Variants in BRAF observed in about 807,000 individuals in gnomAD.
BRAF encodes the protein serine/threonine-protein kinase B-raf.
Under a neutral mutation model 104.6 loss-of-function variants are expected in BRAF, and 16 were observed. The observed-to-expected ratio is 0.15, with a 90% CI of 0.10 to 0.23. The LOEUF (loss-of-function observed/expected upper bound fraction) is 0.23. Among genes scored for constraint, BRAF ranks in the 10% least tolerant of loss-of-function variants. The pLI is 1.00. For synonymous variants in BRAF, 310 were observed against 341.6 expected (o/e 0.91, Z 1.02); for missense variants, 541 against 937.3 (o/e 0.58, Z 5.52).
At chr7:140,787,076 C>T (rs567959224) in intron 9 of BRAF, among the ~76,000 whole-genome samples, 9 of 151,884 alleles carry the variant, frequency 5.9e-5, no homozygotes, top group South Asian at 2.1e-4. Flanking sequence ...CCGAGGCGGG[C>T]GGATCACGAG....
chr7:140,858,270 G>T (rs1464174793), intron 1 of BRAF, among the ~76,000 whole-genome samples: 1 of 152,156 alleles, frequency 6.6e-6, no homozygotes, highest in Non-Finnish European at 1.5e-5. Flanking sequence ...CATCACCCAT[G>T]AAGTATACAT....
Position 140,719,618 on chromosome 7 carries a change from T to C in BRAF, c.*6876A>G, listed in dbSNP as rs1171048049. Reference sequence around the variant, plus strand: ...ATCAGGAAGTGGGTATGGGGGAGAATTAAAAAAAATAATAAAAGATTCAAG... The same window carrying C: ...ATCAGGAAGTGGGTATGGGGGAGAACTAAAAAAAATAATAAAAGATTCAAG... On this transcript the variant is annotated 3_prime_UTR_variant, in exon 20 of 20. Coordinates refer to ENST00000644969, the MANE Select transcript of BRAF (RefSeq NM_001374258.1). 2 of 1,061,892 alleles carry C rather than the reference T, an allele frequency of 1.9e-6. No homozygotes were observed. The highest frequency in any genetic ancestry group is 2.3e-6 in the Non-Finnish European group (2 of 877,132). The allele number at this position is 1,061,892 out of a possible 1,614,324, so 65.8% of individuals were successfully genotyped here.
intron 1 of BRAF, among the ~76,000 whole-genome samples, chr7:140,878,390 C>T (rs928899135): frequency 7.9e-5 from 12 of 151,812 alleles, no homozygotes; most frequent in East Asian, 5.8e-4. Flanking sequence ...ACCAAAAGTA[C>T]GAGCAACAAA....
intron 16 of BRAF, among the ~76,000 whole-genome samples, chr7:140,749,795 T>A (rs955637499): frequency 1.3e-5 from 2 of 152,218 alleles, no homozygotes; most frequent in Non-Finnish European, 2.9e-5. Context: ...GGTTATAAGA[T>A]GCTTAGGAGC....
At position 140,721,229 on chromosome 7, in the gene BRAF, G is replaced by C. The variant is rs569144905; in HGVS notation, c.*5265C>G. ...TAGTAATTAATAAAACTTAACAGTT[G>C]AAGTTGTGGATGTTAAATAAAAGTA... is the stretch of plus-strand genomic sequence containing the variant. On this transcript the variant is annotated 3_prime_UTR_variant, in exon 20 of 20. Transcript: ENST00000644969. The C allele has an allele frequency of 7.3e-6, 8 of 1,091,604 alleles. No homozygotes were observed. In the South Asian group the frequency reaches 3.6e-4, roughly 49 times the overall value. The allele number at this position is 1,091,604 out of a possible 1,614,324, so 67.6% of individuals were successfully genotyped here. A position where few individuals can be genotyped will look rare whatever the true frequency, so the allele number is the denominator to read the frequency against.
At chr7:140,849,072 T>A (rs1336884930) in intron 2 of BRAF, among the ~76,000 whole-genome samples, 3 of 152,188 alleles carry the variant, frequency 2.0e-5, no homozygotes, top group Non-Finnish European at 4.4e-5. Flanking sequence ...TAATTTAGAG[T>A]TCTCCATCTC....
At chr7:140,713,956 C>A in the BRAF span, among the ~76,000 whole-genome samples, 2 of 152,134 alleles carry the variant, frequency 1.3e-5, no homozygotes, top group African/African-American at 4.8e-5. Context: ...GCTGCCTGAT[C>A]GTTCTTCTGA....
Position 140,785,290 on chromosome 7 carries a change from A to C in BRAF, c.1297+399T>G, listed in dbSNP as rs79450705. On this transcript the variant is annotated intron_variant, in intron 10 of 19. Coordinates refer to ENST00000644969, the MANE Select transcript of BRAF (RefSeq NM_001374258.1). ...CACTTTAATTTTCTTAAAAACCACA[A>C]AATTAACAAATATTAAGTCATCAAG... 2.6e-4 allele frequency among the ~76,000 whole-genome samples: 39 copies of C among 152,300 alleles called. 1 individual carries two copies. The East Asian group carries it at 6.9e-3, about 27-fold the overall frequency.
chr7:140,910,214 G>C (rs554293960), intron 1 of BRAF, among the ~76,000 whole-genome samples: 27 of 152,118 alleles, frequency 1.8e-4, no homozygotes, highest in African/African-American at 6.5e-4. Flanking sequence ...ACTATAATCA[G>C]CTCATTGTTT....
intron 2 of BRAF, among the ~76,000 whole-genome samples, chr7:140,837,824 A>T (rs1340517280): frequency 6.6e-6 from 1 of 152,066 alleles, no homozygotes; most frequent in Non-Finnish European, 1.5e-5. Context: ...CTTCAAATCC[A>T]CTCTGAAGAT....
chr7:140,771,334 C>T (rs1287011741), intron 14 of BRAF, among the ~76,000 whole-genome samples: 1 of 152,068 alleles, frequency 6.6e-6, no homozygotes. Context: ...TAGGTGAGAA[C>T]ACAGGTGCAC....
intron 3 of BRAF, among the ~76,000 whole-genome samples, chr7:140,813,741 CA>C (rs1804526862): frequency 1.3e-5 from 2 of 151,964 alleles, no homozygotes; most frequent in Non-Finnish European, 2.9e-5. Context: ...ACGTTAAAAA[CA>C]AAATACAGAA....
At chr7:140,740,063 C>T (rs1796782145) in intron 17 of BRAF, 117 bp from the exon 17 acceptor site, 3 of 1,126,506 alleles carry the variant, frequency 2.7e-6, no homozygotes, top group East Asian at 2.5e-5. Context: ...GTATGTATTA[C>T]ACCTCAATAA....
At position 140,721,787 on chromosome 7, in the gene BRAF, T is replaced by C; in HGVS notation, c.*4707A>G. 1 of 1,432,674 alleles carries C rather than the reference T, an allele frequency of 7.0e-7. No homozygotes were observed. The highest frequency in any genetic ancestry group is 9.1e-7 in the Non-Finnish European group (1 of 1,095,094). 88.7% of individuals were successfully genotyped at this position (1,432,674 alleles called of 1,614,324 possible). On this transcript the variant is annotated 3_prime_UTR_variant, in exon 20 of 20. Transcript: ENST00000644969. ...AAGAACCACAGCATGGAATATGTTT[T>C]CTTTTACATCCAATGGCCAGGTCAT...
chr7:140,881,054 G>A (rs573363400), intron 1 of BRAF, among the ~76,000 whole-genome samples: 5 of 152,262 alleles, frequency 3.3e-5, no homozygotes, highest in East Asian at 1.9e-4. Context: ...TATTATCAAC[G>A]ATTAGTAATA....
chr7:140,720,899 A>T lies in BRAF; in HGVS notation c.*5595T>A, dbSNP rs1333927666. 9.4e-7 allele frequency: 1 copy of T among 1,065,988 alleles called. No homozygotes were observed. Among genetic ancestry groups the T allele is most frequent in the Non-Finnish European group, 1.1e-6 (1 of 879,770 alleles). 66.0% of individuals were successfully genotyped at this position (1,065,988 alleles called of 1,614,324 possible). The stretch of plus-strand genomic sequence containing the variant: ...CCCTTCCTTTGCGGCATCTCTTCAC[A>T]AATTTTCTGCCAACTCTCCCGCATA... On this transcript the variant is annotated 3_prime_UTR_variant, in exon 20 of 20. Transcript: ENST00000644969.
chr7:140,802,289 T>C (rs71543385), intron 5 of BRAF, among the ~76,000 whole-genome samples: 2 of 146,036 alleles, frequency 1.4e-5, no homozygotes, highest in Non-Finnish European at 3.0e-5. Flanking sequence ...TGTATGTTTG[T>C]GTCTTTTTTT....
intron 14 of BRAF, among the ~76,000 whole-genome samples, chr7:140,756,615 A>C (rs1215006194): frequency 6.6e-6 from 1 of 152,306 alleles, no homozygotes; most frequent in East Asian, 1.9e-4. Flanking sequence ...GAAGGGAACA[A>C]GAATATATCA....
chr7:140,885,772 G>A (rs944852825), intron 1 of BRAF, among the ~76,000 whole-genome samples: 2 of 152,206 alleles, frequency 1.3e-5, no homozygotes, highest in African/African-American at 4.8e-5. Flanking sequence ...GAAGATAAAT[G>A]GGCAATATCA....
Sources: gnomAD v4.1 joint callset for allele counts (sites outside exome capture counted in the v4.1 genomes callset) on GRCh38, gnomAD v4.1.1 for gene constraint, MANE v1.5 for transcripts, NCBI Gene and HGNC (gene_info 2026-07-23, HGNC 2026-07-21) for gene names.